DPF3: variants seen among roughly 807,000 people sequenced by gnomAD.
DPF3 encodes double PHD fingers 3.
Under a neutral mutation model 56.8 loss-of-function variants are expected in DPF3, and 18 were observed. The observed-to-expected ratio is 0.32, with a 90% CI of 0.22 to 0.47. DPF3 has a LOEUF of 0.47. DPF3 is among the 20% of genes least tolerant of loss of function. The pLI is 1.00. For missense variants in DPF3, 403 were observed against 488.8 expected (o/e 0.82, Z 1.65); for synonymous variants, 188 against 180.2 (o/e 1.04, Z -0.35).
chr14:72,716,612 A>G (rs1189517764), intron 5 of DPF3, among the ~76,000 whole-genome samples: 2 of 152,032 alleles, frequency 1.3e-5, no homozygotes, highest in East Asian at 1.9e-4. Context: ...TCTCCCCTAC[A>G]TGGAGAGACA....
intron 4 of DPF3, 88 bp downstream of exon 4, chr14:72,731,719 A>C: frequency 6.4e-7 from 1 of 1,554,486 alleles, no homozygotes; most frequent in Non-Finnish European, 8.7e-7. Flanking sequence ...CCTTGAGGGG[A>C]GGATCTGGAG....
At chr14:72,684,731 G>A (rs1887331171) in intron 7 of DPF3, among the ~76,000 whole-genome samples, 1 of 152,124 alleles carries the variant, frequency 6.6e-6, no homozygotes, top group Non-Finnish European at 1.5e-5. Context: ...TTAGTAAAGA[G>A]CTTTGAAGAG....
At chr14:72,843,595 T>G (rs1487724291) in intron 1 of DPF3, among the ~76,000 whole-genome samples, 3 of 152,210 alleles carry the variant, frequency 2.0e-5, no homozygotes, top group Non-Finnish European at 2.9e-5. Flanking sequence ...CAGGCTGGAG[T>G]GCAATGGCGT....
intron 8 of DPF3, among the ~76,000 whole-genome samples, chr14:72,668,807 C>T (rs1886544043): frequency 6.6e-6 from 1 of 152,154 alleles, no homozygotes; most frequent in Admixed American, 6.5e-5. Context: ...TAGAAGCTCA[C>T]ATTTTATCAA....
intron 8 of DPF3, chr14:72,662,419 GC>G: frequency 2.2e-5 from 22 of 984,824 alleles, no homozygotes; most frequent in Non-Finnish European, 2.7e-5. Flanking sequence ...TGCCATGTCA[GC>G]ACTTTTTTCC....
intron 8 of DPF3, among the ~76,000 whole-genome samples, chr14:72,648,287 C>T (rs1009158218): frequency 3.9e-5 from 6 of 152,286 alleles, no homozygotes; most frequent in East Asian, 1.9e-4. Flanking sequence ...TTGCGCCAGG[C>T]GTGGAGGCTC....
At chr14:72,776,662 C>T (rs1891754781) in intron 1 of DPF3, among the ~76,000 whole-genome samples, 1 of 152,116 alleles carries the variant, frequency 6.6e-6, no homozygotes, top group African/African-American at 2.4e-5. Context: ...GCTCTCAAGA[C>T]CACACCTGCT....
rs1177681339 is a variant in DPF3, at chr14:72,615,511, A to G, written c.*3786T>C. On this transcript the variant is annotated 3_prime_UTR_variant, in exon 11 of 11. Transcript: ENST00000556509. ...CCAGGAGTGTGCAACCCTCCAGGGT[A>G]TCATGAAACCATCACTGTGAAACCC... Among the ~76,000 whole-genome samples the G allele has an allele frequency of 6.6e-6, 1 of 152,242 alleles. No homozygotes were observed. Among genetic ancestry groups the G allele is most frequent in the Non-Finnish European group, 1.5e-5 (1 of 68,036 alleles).
intron 6 of DPF3, among the ~76,000 whole-genome samples, chr14:72,709,641 T>C (rs1312913908): frequency 1.3e-5 from 2 of 152,142 alleles, no homozygotes; most frequent in Admixed American, 6.5e-5. Flanking sequence ...GCAGTTAGTA[T>C]GGAAGATGTC....
intron 2 of DPF3, among the ~76,000 whole-genome samples, chr14:72,760,371 T>G (rs1405192142): frequency 1.3e-5 from 2 of 152,158 alleles, no homozygotes. Flanking sequence ...ACATCTACTC[T>G]GACTCTGAAC....
intron 1 of DPF3, among the ~76,000 whole-genome samples, chr14:72,787,451 G>A (rs376551436): frequency 3.3e-5 from 5 of 152,258 alleles, no homozygotes; most frequent in Middle Eastern, 3.4e-3. Context: ...GATGGAACAC[G>A]GGCAGAGCCA....
At chr14:72,733,508 G>C (rs11626411) in intron 3 of DPF3, among the ~76,000 whole-genome samples, 32,851 of 152,088 alleles carry the variant, frequency 0.22, 3,997 homozygotes, top group Middle Eastern at 0.33. Flanking sequence ...ACCATTAGCA[G>C]AGCCCCAGGA....
intron 8 of DPF3, among the ~76,000 whole-genome samples, chr14:72,660,505 C>T (rs1886175004): frequency 2.6e-5 from 4 of 152,220 alleles, no homozygotes; most frequent in South Asian, 4.1e-4. Context: ...TCTTCACACA[C>T]AAGGAAAGCC....
Position 72,702,057 on chromosome 14 carries a change from G to C in DPF3, c.605-8844C>G, listed in dbSNP as rs980372645. On this transcript the variant is annotated intron_variant, in intron 6 of 10. Transcript: ENST00000556509. Reference sequence around the variant, plus strand: ...TCCACAGATGAAGAAACTGAGTCTGGGGGAGTTTAAGCAATTCTCTGGATG... The same window carrying C: ...TCCACAGATGAAGAAACTGAGTCTGCGGGAGTTTAAGCAATTCTCTGGATG... Among the ~76,000 whole-genome samples the C allele has an allele frequency of 2.0e-5, 3 of 152,162 alleles. No homozygotes were observed. In the East Asian group the frequency reaches 5.8e-4, roughly 29 times the overall value.
At chr14:72,684,029 T>C (rs1003151718) in intron 7 of DPF3, among the ~76,000 whole-genome samples, 1 of 152,130 alleles carries the variant, frequency 6.6e-6, no homozygotes, top group Admixed American at 6.5e-5. Flanking sequence ...AGTGACATCA[T>C]CTGCTTTATA....
At chr14:72,625,822 T>TC (rs1406211626) in intron 9 of DPF3, among the ~76,000 whole-genome samples, 2 of 152,214 alleles carry the variant, frequency 1.3e-5, no homozygotes, top group Admixed American at 6.5e-5. Flanking sequence ...AATCTAGCCT[T>TC]CCCCCCTTTA....
At position 72,687,832 on chromosome 14, in the gene DPF3, G is replaced by T. The variant is rs886068779; in HGVS notation, c.742+5244C>A. Reference sequence around the variant, plus strand: ...GAGCTTTGTAAGACCCAGACTGCTGGCCCCCATCCTTGGAGTCTCTGTTTC... The same window carrying T: ...GAGCTTTGTAAGACCCAGACTGCTGTCCCCCATCCTTGGAGTCTCTGTTTC... On this transcript the variant is annotated intron_variant, in intron 7 of 10. Coordinates refer to ENST00000556509, the MANE Select transcript of DPF3 (RefSeq NM_001280542.3). Among the ~76,000 whole-genome samples, 8 of 152,192 alleles carry T rather than the reference G, an allele frequency of 5.3e-5. No homozygotes were observed. The East Asian group carries it at 1.6e-3, about 30-fold the overall frequency.
At chr14:72,761,126 TATAGTC>T (rs1891052767) in intron 2 of DPF3, among the ~76,000 whole-genome samples, 1 of 152,028 alleles carries the variant, frequency 6.6e-6, no homozygotes, top group Non-Finnish European at 1.5e-5. Flanking sequence ...AACCCACAAT[TATAGTC>T]ATAAGTTTCA....
chr14:72,767,781 C>CAAA lies in DPF3; in HGVS notation c.193+3951_193+3952insTTT, dbSNP rs1321233392. Among the ~76,000 whole-genome samples the CAAA allele has an allele frequency of 6.1e-4, 38 of 62,036 alleles. 1 individual carries two copies. Among genetic ancestry groups the CAAA allele is most frequent in the African/African-American group, 2.6e-3 (30 of 11,618 alleles). 40.7% of individuals were successfully genotyped at this position (62,036 alleles called of 152,430 possible). ...TTGGCAAAAAAAAAAAAAAAAAAACCCCATAAACCCACAGGTTGAAGAAGC... is the reference window on the plus strand; with the variant it reads ...TTGGCAAAAAAAAAAAAAAAAAAACCAAACCATAAACCCACAGGTTGAAGAAGC... On this transcript the variant is annotated intron_variant, in intron 2 of 10. Transcript: ENST00000556509.
Sources: gnomAD v4.1 joint callset for allele counts (sites outside exome capture counted in the v4.1 genomes callset) on GRCh38, gnomAD v4.1.1 for gene constraint, MANE v1.5 for transcripts, NCBI Gene and HGNC (gene_info 2026-07-23, HGNC 2026-07-21) for gene names.